The following SGCD variants were observed in gnomAD, a reference collection of about 807,000 sequenced individuals.
The protein encoded by SGCD is sarcoglycan delta.
A neutral mutation model predicts 36.6 loss-of-function variants in SGCD; 18 were observed. That is an observed-to-expected ratio of 0.49 (90% CI 0.34 to 0.73). The LOEUF is 0.73. SGCD is among the 30% of genes least tolerant of loss of function. The pLI, the probability that SGCD is intolerant of heterozygous loss-of-function variation, is 0.01. For missense variants in SGCD, 387 were observed against 346.7 expected (o/e 1.12, Z -0.92); for synonymous variants, 133 against 130.6 (o/e 1.02, Z -0.12).
intron 1 of SGCD, among the ~76,000 whole-genome samples, chr5:155,911,112 A>G (rs1756620537): frequency 6.6e-6 from 1 of 152,102 alleles, no homozygotes; most frequent in Non-Finnish European, 1.5e-5. Context: ...CCATGGCTCC[A>G]TATCAATCTT....
At chr5:156,548,403 A>T (rs921318204) in intron 4 of SGCD, among the ~76,000 whole-genome samples, 1 of 152,218 alleles carries the variant, frequency 6.6e-6, no homozygotes, top group Non-Finnish European at 1.5e-5. Context: ...TAAAAGTACC[A>T]AATTGAATAC....
chr5:156,664,731 A>G (rs1231408131), intron 7 of SGCD, among the ~76,000 whole-genome samples: 1 of 120,864 alleles, frequency 8.3e-6, no homozygotes, highest in Non-Finnish European at 1.7e-5. Context: ...TCTCCCAATC[A>G]TAAGGAATGA....
chr5:156,581,003 G>A (rs1405222842), intron 4 of SGCD, among the ~76,000 whole-genome samples: 1 of 152,128 alleles, frequency 6.6e-6, no homozygotes, highest in Non-Finnish European at 1.5e-5. Context: ...AGAATTTTCA[G>A]CTTTTCTCCT....
At chr5:156,082,306 G>C (rs1760976453) in intron 1 of SGCD, among the ~76,000 whole-genome samples, 2 of 151,574 alleles carry the variant, frequency 1.3e-5, no homozygotes, top group Non-Finnish European at 2.9e-5. Flanking sequence ...TGGTGGGGAA[G>C]TCAGAGAAAC....
At chr5:156,678,799 C>G (rs1753611426) in intron 7 of SGCD, among the ~76,000 whole-genome samples, 1 of 152,158 alleles carries the variant, frequency 6.6e-6, no homozygotes. Context: ...AGAAACTGAG[C>G]AAAGTGAGCA....
At chr5:155,806,808 A>G in the SGCD span, among the ~76,000 whole-genome samples, 9 of 152,170 alleles carry the variant, frequency 5.9e-5, no homozygotes, top group Non-Finnish European at 8.8e-5. Flanking sequence ...TCTTTTAGAT[A>G]ATATTTTGTG....
the SGCD span, among the ~76,000 whole-genome samples, chr5:155,828,859 A>G: frequency 6.6e-6 from 1 of 151,758 alleles, no homozygotes. Context: ...GCTAATTTTT[A>G]TATTTTTAGT....
intron 3 of SGCD, among the ~76,000 whole-genome samples, chr5:156,357,252 A>G (rs2127727330): frequency 1.3e-5 from 2 of 152,314 alleles, no homozygotes; most frequent in Middle Eastern, 3.4e-3. Context: ...GGGGACTATT[A>G]TCTCCTCTTT....
At chr5:156,689,648 C>A (rs1398548960) in intron 7 of SGCD, among the ~76,000 whole-genome samples, 2 of 152,110 alleles carry the variant, frequency 1.3e-5, no homozygotes, top group East Asian at 3.9e-4. Context: ...ACCCCACCAT[C>A]CAAATTGAGA....
the SGCD span, among the ~76,000 whole-genome samples, chr5:155,812,639 T>G: frequency 6.6e-6 from 1 of 152,182 alleles, no homozygotes; most frequent in Non-Finnish European, 1.5e-5. Context: ...CAAGTTCACC[T>G]CAACACTGGA....
chr5:155,949,415 C>T (rs1757506881), intron 1 of SGCD, among the ~76,000 whole-genome samples: 1 of 152,088 alleles, frequency 6.6e-6, no homozygotes, highest in African/African-American at 2.4e-5. Flanking sequence ...TTATTTAATT[C>T]TTGGAACAAA....
chr5:155,813,614 T>C, the SGCD span, among the ~76,000 whole-genome samples: 54 of 152,344 alleles, frequency 3.5e-4, no homozygotes, highest in African/African-American at 1.3e-3. Context: ...TTTGGCATCC[T>C]GCTTGGGATT....
chr5:156,687,977 A>G (rs1456346635), intron 7 of SGCD, among the ~76,000 whole-genome samples: 3 of 152,116 alleles, frequency 2.0e-5, no homozygotes, highest in Admixed American at 6.6e-5. Flanking sequence ...GCCCTTCCCA[A>G]TGTCCCCAAC....
intron 3 of SGCD, chr5:156,458,271 A>G: frequency 3.0e-6 from 2 of 665,120 alleles, no homozygotes; most frequent in East Asian, 2.7e-5. Flanking sequence ...TTTCAGTTAA[A>G]TATTAGTCAC....
At chr5:156,377,893 G>T (rs1360028778) in intron 3 of SGCD, among the ~76,000 whole-genome samples, 1 of 152,158 alleles carries the variant, frequency 6.6e-6, no homozygotes, top group Non-Finnish European at 1.5e-5. Flanking sequence ...GATTGTGTTT[G>T]TTATCCATTG....
chr5:156,678,591 C>T (rs929751781), intron 7 of SGCD, among the ~76,000 whole-genome samples: 3 of 152,154 alleles, frequency 2.0e-5, no homozygotes, highest in Non-Finnish European at 2.9e-5. Context: ...ACTCCCATCT[C>T]GACAGTGCAG....
intron 4 of SGCD, among the ~76,000 whole-genome samples, chr5:156,542,659 G>A (rs1325334601): frequency 6.6e-6 from 1 of 152,174 alleles, no homozygotes; most frequent in African/African-American, 2.4e-5. Context: ...GTGAACCTCA[G>A]AGACATGGAG....
At chr5:156,243,888 C>T (rs1765366572) in intron 3 of SGCD, among the ~76,000 whole-genome samples, 1 of 152,032 alleles carries the variant, frequency 6.6e-6, no homozygotes, top group Admixed American at 6.6e-5. Flanking sequence ...CCAGTGAATA[C>T]AATGAAAAAT....
At chr5:155,774,195 T>C in the SGCD span, among the ~76,000 whole-genome samples, 1 of 152,184 alleles carries the variant, frequency 6.6e-6, no homozygotes, top group African/African-American at 2.4e-5. Flanking sequence ...ATATTTTGGG[T>C]TTTGAGAGGC....
Sources: allele counts gnomAD v4.1 joint callset (sites outside exome capture counted in the v4.1 genomes callset), GRCh38; gene constraint gnomAD v4.1.1; transcripts MANE v1.5; gene names NCBI Gene and HGNC (gene_info 2026-07-23, HGNC 2026-07-21).